The following POTEB3 variants were observed in gnomAD, a reference collection of about 807,000 sequenced individuals.
POTEB3 encodes the protein ANKRD26-like family B member 1.
A neutral mutation model predicts 39.8 loss-of-function variants in POTEB3; 5 were observed. The observed-to-expected ratio is 0.13, with a 90% CI of 0.07 to 0.26. The LOEUF (loss-of-function observed/expected upper bound fraction) is 0.26. POTEB3 is among the 10% of genes least tolerant of loss of function. The pLI, the probability that POTEB3 is intolerant of heterozygous loss-of-function variation, is 1.00. For synonymous variants in POTEB3, 5 were observed against 161.5 expected, an observed-to-expected ratio of 0.03 and a Z score of 7.35; for missense variants, 24 against 475.6, an observed-to-expected ratio of 0.05 and a Z score of 8.83.
Position 21,408,020 on chromosome 15 carries a change from G to T in POTEB3, c.*963C>A. Among the ~76,000 whole-genome samples the T allele has an allele frequency of 2.6e-5, 2 of 77,814 alleles. 1 individual carries two copies. The highest frequency in any genetic ancestry group is 4.6e-5 in the Non-Finnish European group (2 of 43,586). The allele number at this position is 77,814 out of a possible 152,430, so 51.0% of individuals were successfully genotyped here. A position where few individuals can be genotyped will look rare whatever the true frequency, so the allele number is the denominator to read the frequency against. Reference sequence around the variant, plus strand: ...CACCCCAGAGAGGTGTAAGTTAGGAGTTACTTAATGTAATCACCCCAGGAT... The same window carrying T: ...CACCCCAGAGAGGTGTAAGTTAGGATTTACTTAATGTAATCACCCCAGGAT... On this transcript the variant is annotated 3_prime_UTR_variant, in exon 11 of 11. Transcript: ENST00000611217.
intron 4 of POTEB3, among the ~76,000 whole-genome samples, chr15:21,430,767 G>A (rs1463260069): frequency 0.076 from 10,837 of 143,146 alleles, 189 homozygotes; most frequent in African/African-American, 0.16. Flanking sequence ...TAGAAAATTA[G>A]CTAGGGGCTA....
chr15:21,426,534 G>C (rs1191555725), intron 6 of POTEB3, among the ~76,000 whole-genome samples: 3 of 145,052 alleles, frequency 2.1e-5, no homozygotes, highest in Admixed American at 6.8e-5. Flanking sequence ...TATTTGTTAA[G>C]TGGACAAGTG....
intron 5 of POTEB3, among the ~76,000 whole-genome samples, chr15:21,428,467 C>T (rs1203726913): frequency 1.2e-4 from 18 of 144,314 alleles, no homozygotes; most frequent in African/African-American, 4.6e-4. Context: ...ACGGAGTTGA[C>T]CAATTTGTTG....
Position 21,434,721 on chromosome 15 carries a change from T to C in POTEB3, c.750A>G (p.Glu250=). 1.2e-5 allele frequency: 1 copy of C among 85,046 alleles called. No individual in the cohort carries two copies. Among genetic ancestry groups the C allele is most frequent in the Non-Finnish European group, 1.8e-5 (1 of 55,168 alleles). The allele number at this position is 85,046 out of a possible 1,614,324, so 5.3% of individuals were successfully genotyped here. Residue 250 remains glutamate, a synonymous_variant, in exon 3 of 11, where the codon GAA becomes GAG. Transcript: ENST00000611217. ...NTALHYAIYN[E]DKLMAKALLL... ...GCAGTGCTTTGGCCATTAATTTATC[T>C]TCATTGTAGATAGCATAGTGTAGAG...
intron 6 of POTEB3, among the ~76,000 whole-genome samples, chr15:21,423,122 G>C (rs1441383904): frequency 1.4e-5 from 2 of 142,714 alleles, no homozygotes; most frequent in Non-Finnish European, 3.1e-5. Context: ...TTTTGTTTTA[G>C]CTGGGGTCTT....
At chr15:21,419,768 A>G (rs1898462079) in intron 8 of POTEB3, 138 bp from the exon 9 acceptor site, 1 of 421,782 alleles carries the variant, frequency 2.4e-6, no homozygotes, top group Admixed American at 4.2e-5. Context: ...TTGATCATAT[A>G]TACAGAACTA....
Position 21,433,305 on chromosome 15 carries a change from G to C in POTEB3, c.810+1356C>G, listed in dbSNP as rs148309724. Among the ~76,000 whole-genome samples the C allele has an allele frequency of 1.2e-3, 169 of 145,616 alleles. 1 individual carries two copies. The highest frequency in any genetic ancestry group is 1.8e-3 in the South Asian group (8 of 4,492). ...GTCTCATTATGTTGACCAGGCTAGAGTAGAACTCCTAAGCTCAGGCAATCC... is the reference window on the plus strand; with the variant it reads ...GTCTCATTATGTTGACCAGGCTAGACTAGAACTCCTAAGCTCAGGCAATCC... On this transcript the variant is annotated intron_variant, in intron 3 of 10. Transcript: ENST00000611217.
At chr15:21,415,041 C>G (rs1160796618) in intron 9 of POTEB3, among the ~76,000 whole-genome samples, 2 of 101,476 alleles carry the variant, frequency 2.0e-5, no homozygotes, top group Non-Finnish European at 3.7e-5. Context: ...GAACTGAGAT[C>G]ATACCACTGA....
rs1898228093 is a variant in POTEB3 at position 21,406,566 on chromosome 15, C to CAACAT, written c.*2412_*2416dup. On this transcript the variant is annotated 3_prime_UTR_variant, in exon 11 of 11. Coordinates refer to ENST00000611217, the MANE Select transcript of POTEB3 (RefSeq NM_207355.5). ...TTTTTAGCTTCCTTGTATTGGATTA[C>CAACAT]AACATACTTCTTTCACTCAGGGAAC... 1 of 61,462 alleles carries CAACAT rather than the reference C, an allele frequency of 1.6e-5. No individual in the cohort carries two copies. Among genetic ancestry groups the CAACAT allele is most frequent in the African/African-American group, 1.7e-4 (1 of 5,906 alleles). 3.8% of individuals were successfully genotyped at this position (61,462 alleles called of 1,614,324 possible).
chr15:21,420,869 TTAAA>T lies in POTEB3; in HGVS notation c.1198-155_1198-152del, dbSNP rs1312156623. Among the ~76,000 whole-genome samples the T allele has an allele frequency of 8.2e-5, 5 of 60,744 alleles. 2 individuals are homozygous for T. Among genetic ancestry groups the T allele is most frequent in the East Asian group, 3.1e-4 (1 of 3,242 alleles). 39.9% of individuals were successfully genotyped at this position (60,744 alleles called of 152,430 possible). The stretch of plus-strand genomic sequence containing the variant: ...TAAAATAAAATTTAACTTAAAATAA[TTAAA>T]TAAATAAATAATTAAAATTAAGAAT... On this transcript the variant is annotated intron_variant, in intron 7 of 10. Transcript: ENST00000611217.
At chr15:21,430,738 C>A (rs1595363947) in intron 4 of POTEB3, among the ~76,000 whole-genome samples, 1 of 151,230 alleles carries the variant, frequency 6.6e-6, no homozygotes, top group African/African-American at 2.4e-5. Flanking sequence ...CACAGCTTCC[C>A]TAGACTGATA....
chr15:21,414,314 A>T (rs1174855607), intron 9 of POTEB3, among the ~76,000 whole-genome samples: 1 of 121,494 alleles, frequency 8.2e-6, no homozygotes, highest in Non-Finnish European at 1.6e-5. Context: ...AGAAATATGT[A>T]TTTTAAAAAA....
Position 21,405,961 on chromosome 15 carries a change from T to A in POTEB3, c.*3022A>T, listed in dbSNP as rs1289867926. On this transcript the variant is annotated 3_prime_UTR_variant, in exon 11 of 11. Coordinates refer to ENST00000611217, the MANE Select transcript of POTEB3 (RefSeq NM_207355.5). ...ATGATTATGTGTCTTGGGGATGATC[T>A]TCTCATGGCATATCTTACTGAGGTT... Among the ~76,000 whole-genome samples, 2 of 72,174 alleles carry A rather than the reference T, an allele frequency of 2.8e-5. No individual in the cohort carries two copies. Among genetic ancestry groups the A allele is most frequent in the Non-Finnish European group, 4.8e-5 (2 of 41,932 alleles). 47.3% of individuals were successfully genotyped at this position (72,174 alleles called of 152,430 possible).
At chr15:21,413,958 C>T (rs1211441824) in intron 9 of POTEB3, among the ~76,000 whole-genome samples, 3 of 77,858 alleles carry the variant, frequency 3.9e-5, no homozygotes, top group Non-Finnish European at 6.8e-5. Context: ...TCAAAAATAG[C>T]AATTTTTATT....
intron 9 of POTEB3, among the ~76,000 whole-genome samples, chr15:21,413,935 C>T (rs1438828817): frequency 1.3e-5 from 1 of 77,058 alleles, no homozygotes; most frequent in Admixed American, 1.1e-4. Context: ...ATCAAAATGT[C>T]ATTATTTATA....
At chr15:21,419,869 A>G (rs1898465592) in intron 8 of POTEB3, among the ~76,000 whole-genome samples, 1 of 139,558 alleles carries the variant, frequency 7.2e-6, no homozygotes, top group Admixed American at 7.2e-5. Flanking sequence ...TTGACTGAAT[A>G]AAACAGAATT....
Position 21,407,510 on chromosome 15 carries a change from C to T in POTEB3, c.*1473G>A, listed in dbSNP as rs1898240777. Among the ~76,000 whole-genome samples the T allele has an allele frequency of 1.2e-5, 1 of 85,438 alleles. No homozygotes were observed. The highest frequency in any genetic ancestry group is 2.1e-5 in the Non-Finnish European group (1 of 47,912). The allele number at this position is 85,438 out of a possible 152,430, so 56.1% of individuals were successfully genotyped here. On this transcript the variant is annotated 3_prime_UTR_variant, in exon 11 of 11. Transcript: ENST00000611217. ...CAGGCTGGTACGTGGCTGTAGAGGT[C>T]ACCTTGCTGCAGCTCTCCACTGATC... is the stretch of plus-strand genomic sequence containing the variant.
Position 21,410,842 on chromosome 15 carries a change from C to T in POTEB3, c.1533+36G>A. 2 of 1,037,898 alleles carry T rather than the reference C, an allele frequency of 1.9e-6. 1 individual carries two copies. The highest frequency in any genetic ancestry group is 8.0e-5 in the East Asian group (2 of 25,026). The allele number at this position is 1,037,898 out of a possible 1,614,324, so 64.3% of individuals were successfully genotyped here. On this transcript the variant is annotated intron_variant, in intron 10 of 10. Coordinates refer to ENST00000611217, the MANE Select transcript of POTEB3 (RefSeq NM_207355.5). ...ATAAAGCTTTTTAAAAATATACACA[C>T]ATATGAAAACATTTGATAATGACTA...
intron 9 of POTEB3, among the ~76,000 whole-genome samples, chr15:21,413,506 TTATATATATATATATATATATATATA>T (rs1160375320): frequency 4.1e-3 from 6 of 1,452 alleles, no homozygotes; most frequent in Admixed American, 7.2e-3. Context: ...ATAAAGAAAA[TTATATATATATATATATATATATATA>T]TATATATATA....
Sources: allele counts gnomAD v4.1 joint callset (sites outside exome capture counted in the v4.1 genomes callset), GRCh38; gene constraint gnomAD v4.1.1; transcripts MANE v1.5; gene names NCBI Gene and HGNC (gene_info 2026-07-23, HGNC 2026-07-21).